SEH1L: variants seen among roughly 807,000 people sequenced by gnomAD.
SEH1L encodes the protein SEH1 like nucleoporin.
Under a neutral mutation model 49.5 loss-of-function variants are expected in SEH1L, and 18 were observed. That is an observed-to-expected ratio of 0.36 (90% CI 0.25 to 0.54). SEH1L has a LOEUF of 0.54. Ranked by LOEUF, SEH1L falls within the 20% of genes least tolerant of loss-of-function variation. SEH1L has a pLI of 0.87. For missense variants in SEH1L, 404 were observed against 528.8 expected (o/e 0.76, Z 2.31); for synonymous variants, 169 against 178.1 (o/e 0.95, Z 0.41).
chr18:12,954,580 C>T (rs183078717), intron 2 of SEH1L, among the ~76,000 whole-genome samples: 28 of 152,232 alleles, frequency 1.8e-4, no homozygotes, highest in Middle Eastern at 3.4e-3. Context: ...GATCCTCCCA[C>T]CTCAGCCTCC....
At chr18:12,971,025 C>T in intron 4 of SEH1L, 128 bp from the exon 5 acceptor site, 1 of 646,036 alleles carries the variant, frequency 1.5e-6, no homozygotes. Flanking sequence ...GTGGCAGAGA[C>T]CTAGATTCAC....
intron 4 of SEH1L, among the ~76,000 whole-genome samples, chr18:12,963,748 A>G (rs544574763): frequency 6.6e-6 from 1 of 152,336 alleles, no homozygotes; most frequent in Admixed American, 6.5e-5. Flanking sequence ...AGTATTGCTC[A>G]TTTGCCCAGG....
intron 3 of SEH1L, among the ~76,000 whole-genome samples, chr18:12,957,790 C>T (rs985072332): frequency 6.6e-6 from 1 of 152,188 alleles, no homozygotes; most frequent in African/African-American, 2.4e-5. Flanking sequence ...AGTCACAGCT[C>T]ATTGCAGTCT....
intron 6 of SEH1L, among the ~76,000 whole-genome samples, chr18:12,981,790 T>C (rs2032272668): frequency 6.6e-6 from 1 of 151,798 alleles, no homozygotes; most frequent in South Asian, 2.1e-4. Flanking sequence ...TAATTTTGAA[T>C]TGTGAATTTC....
chr18:12,960,175 G>A (rs1284893655), intron 3 of SEH1L, among the ~76,000 whole-genome samples: 1 of 152,158 alleles, frequency 6.6e-6, no homozygotes, highest in African/African-American at 2.4e-5. Flanking sequence ...TTTACATGAC[G>A]CTGAAGTTAT....
At chr18:12,981,850 A>ATTTTTATT (rs1463077173) in intron 6 of SEH1L, among the ~76,000 whole-genome samples, 1 of 88,184 alleles carries the variant, frequency 1.1e-5, no homozygotes, top group African/African-American at 5.7e-5. Flanking sequence ...TGCCCTGCCC[A>ATTTTTATT]TTTTTTTTTT....
intron 5 of SEH1L, chr18:12,975,870 A>G (rs1172082617): frequency 3.0e-6 from 3 of 985,618 alleles, no homozygotes; most frequent in Non-Finnish European, 3.6e-6. Context: ...AGGAGGCACC[A>G]GCTGTAGGTC....
intron 3 of SEH1L, among the ~76,000 whole-genome samples, chr18:12,956,573 CTA>C (rs2030876857): frequency 6.8e-6 from 1 of 147,384 alleles, no homozygotes; most frequent in Non-Finnish European, 1.5e-5. Context: ...AGTTTTACTT[CTA>C]TGAGAGAAGA....
chr18:12,975,934 G>C, intron 5 of SEH1L: 8 of 928,730 alleles, frequency 8.6e-6, no homozygotes, highest in Non-Finnish European at 1.0e-5. Context: ...GTTGAGATGG[G>C]GACTGAGCAA....
chr18:12,955,318 A>C (rs2030784185), intron 2 of SEH1L, 145 bp from the exon 3 acceptor site: 2 of 642,088 alleles, frequency 3.1e-6, no homozygotes, highest in South Asian at 2.8e-5. Context: ...TATGTTGATC[A>C]GTTTTCTTCT....
At chr18:12,979,068 TTTTC>T (rs918089002) in intron 6 of SEH1L, among the ~76,000 whole-genome samples, 176 bp downstream of exon 6, 4 of 136,092 alleles carry the variant, frequency 2.9e-5, no homozygotes, top group African/African-American at 1.0e-4. Context: ...AGTTACTTTT[TTTTC>T]TTTCTTTTTT....
chr18:12,980,743 G>C (rs1431300171), intron 6 of SEH1L, among the ~76,000 whole-genome samples: 1 of 62,682 alleles, frequency 1.6e-5, no homozygotes, highest in South Asian at 9.1e-4. Context: ...CGGGCAGAGG[G>C]GCTCCTCACT....
chr18:12,951,773 T>G, intron 1 of SEH1L, 82 bp from the exon 2 acceptor site: 1 of 817,146 alleles, frequency 1.2e-6, no homozygotes. Context: ...CCGCTTTCCT[T>G]GTACACTGAT....
At chr18:12,958,855 G>A (rs1233115742) in intron 3 of SEH1L, among the ~76,000 whole-genome samples, 1 of 152,152 alleles carries the variant, frequency 6.6e-6, no homozygotes, top group African/African-American at 2.4e-5. Context: ...GATTCTTTTG[G>A]AAATATACCT....
intron 6 of SEH1L, among the ~76,000 whole-genome samples, chr18:12,980,191 G>A (rs1410047871): frequency 5.8e-5 from 8 of 136,948 alleles, no homozygotes; most frequent in Non-Finnish European, 1.3e-4. Context: ...CCCGGATGGG[G>A]CGGCTGGCCG....
chr18:12,959,697 C>T (rs534834940), intron 3 of SEH1L, among the ~76,000 whole-genome samples: 19 of 152,152 alleles, frequency 1.2e-4, no homozygotes, highest in African/African-American at 4.1e-4. Flanking sequence ...CTTTGATGCA[C>T]GAAATTTTAA....
chr18:12,965,009 CTTTTTTTTTTT>C (rs138934038), intron 4 of SEH1L, among the ~76,000 whole-genome samples: 30 of 82,628 alleles, frequency 3.6e-4, no homozygotes, highest in Non-Finnish European at 6.6e-4. Context: ...TTTCCTCATT[CTTTTTTTTTTT>C]TTTTTTTTTT....
At chr18:12,972,959 A>G (rs1487453972) in intron 5 of SEH1L, 1 of 152,224 alleles carries the variant, frequency 6.6e-6, no homozygotes, top group African/African-American at 2.4e-5. Flanking sequence ...CCATCTCAGC[A>G]CTTTGGGAGG....
chr18:12,950,013 T>C (rs2030420016), intron 1 of SEH1L, among the ~76,000 whole-genome samples: 1 of 151,320 alleles, frequency 6.6e-6, no homozygotes, highest in Non-Finnish European at 1.5e-5. Flanking sequence ...TTTCACTTAG[T>C]ATAATTTTTT....
Sources: gnomAD v4.1 joint callset for allele counts (sites outside exome capture counted in the v4.1 genomes callset) on GRCh38, gnomAD v4.1.1 for gene constraint, MANE v1.5 for transcripts, NCBI Gene and HGNC (gene_info 2026-07-23, HGNC 2026-07-21) for gene names.